The following KLHL1 variants were observed in gnomAD, a reference collection of about 807,000 sequenced individuals.
The protein encoded by KLHL1 is kelch-like protein 1.
In KLHL1, 47 loss-of-function variants were observed where a neutral mutation model predicts 77.7. That is an observed-to-expected ratio of 0.60 (90% CI 0.48 to 0.77). The LOEUF is 0.77. KLHL1 is among the 30% of genes least tolerant of loss of function. KLHL1 has a pLI of 0.00. For synonymous variants in KLHL1, 360 were observed against 325.2 expected, an observed-to-expected ratio of 1.11 and a Z score of -1.15; for missense variants, 925 against 910.8, an observed-to-expected ratio of 1.02 and a Z score of -0.20.
intron 6 of KLHL1, among the ~76,000 whole-genome samples, chr13:69,825,900 A>C (rs921277193): frequency 2.0e-5 from 3 of 152,218 alleles, no homozygotes; most frequent in African/African-American, 7.2e-5. Context: ...GTTCTCTGAC[A>C]GTAGGAAACA....
intron 1 of KLHL1, among the ~76,000 whole-genome samples, chr13:70,038,581 A>ATTTTTTTTTTTTTTTTTTTTTTTTT: frequency 1.4e-5 from 1 of 73,052 alleles, no homozygotes; most frequent in Non-Finnish European, 2.4e-5. Flanking sequence ...ATTGTCATTA[A>ATTTTTTTTTTTTTTTTTTTTTTTTT]TTTTTTTTTT....
chr13:69,867,810 C>G (rs970816145), intron 5 of KLHL1, among the ~76,000 whole-genome samples: 2 of 128,510 alleles, frequency 1.6e-5, no homozygotes, highest in Non-Finnish European at 3.1e-5. Flanking sequence ...AATGAGAACA[C>G]GTGGACACAG....
At chr13:69,829,018 G>A (rs1214987343) in intron 6 of KLHL1, among the ~76,000 whole-genome samples, 2 of 150,424 alleles carry the variant, frequency 1.3e-5, no homozygotes, top group Non-Finnish European at 2.9e-5. Flanking sequence ...CTAAGGCCTT[G>A]CCCATTGCCT....
intron 1 of KLHL1, among the ~76,000 whole-genome samples, chr13:70,027,536 G>C (rs1433766017): frequency 2.6e-5 from 4 of 151,916 alleles, no homozygotes; most frequent in Admixed American, 2.6e-4. Flanking sequence ...ACAGCAAAGG[G>C]GGAGAAAACT....
chr13:69,964,903 C>A (rs1002187690), intron 2 of KLHL1, among the ~76,000 whole-genome samples: 4 of 152,000 alleles, frequency 2.6e-5, no homozygotes, highest in African/African-American at 9.7e-5. Flanking sequence ...CAATAACATT[C>A]TCCTGCATTT....
chr13:69,846,751 T>C (rs371335028), intron 5 of KLHL1, among the ~76,000 whole-genome samples: 30 of 151,602 alleles, frequency 2.0e-4, no homozygotes, highest in African/African-American at 6.5e-4. Flanking sequence ...TAGTCACATG[T>C]TTAGCAACAT....
At chr13:69,744,014 T>A (rs888238281) in intron 7 of KLHL1, among the ~76,000 whole-genome samples, 2 of 152,168 alleles carry the variant, frequency 1.3e-5, no homozygotes, top group African/African-American at 4.8e-5. Flanking sequence ...CAGTTAAATA[T>A]ACATGCCTAC....
chr13:69,934,350 T>C (rs944954439), intron 4 of KLHL1, among the ~76,000 whole-genome samples: 1 of 152,128 alleles, frequency 6.6e-6, no homozygotes, highest in South Asian at 2.1e-4. Flanking sequence ...TTATATTACA[T>C]CTTATAATTT....
At chr13:70,086,653 CTT>C (rs1292545005) in intron 1 of KLHL1, among the ~76,000 whole-genome samples, 4 of 138,152 alleles carry the variant, frequency 2.9e-5, no homozygotes, top group Admixed American at 7.3e-5. Flanking sequence ...GAAAACAAGA[CTT>C]ATTTATTTTG....
chr13:69,838,138 T>A (rs1879101692), intron 6 of KLHL1, among the ~76,000 whole-genome samples: 1 of 151,606 alleles, frequency 6.6e-6, no homozygotes, highest in African/African-American at 2.4e-5. Context: ...AATTTTGAAA[T>A]CTCAGTTCAC....
chr13:69,871,492 T>C (rs764993098), intron 5 of KLHL1, among the ~76,000 whole-genome samples: 1 of 152,190 alleles, frequency 6.6e-6, no homozygotes, highest in Non-Finnish European at 1.5e-5. Context: ...TTTCCTTCTC[T>C]ACCACATGAC....
chr13:69,923,842 C>CGCAGCT (rs1349018802), intron 4 of KLHL1, among the ~76,000 whole-genome samples: 1 of 152,126 alleles, frequency 6.6e-6, no homozygotes, highest in Non-Finnish European at 1.5e-5. Context: ...ACTTCCCAGG[C>CGCAGCT]GCAGCTGCAG....
intron 8 of KLHL1, among the ~76,000 whole-genome samples, chr13:69,739,298 A>G (rs1873888617): frequency 1.3e-5 from 2 of 152,222 alleles, no homozygotes; most frequent in African/African-American, 4.8e-5. Context: ...CAACGAAAAC[A>G]CACTTAACTA....
chr13:69,813,393 C>G (rs1013062962), intron 6 of KLHL1, among the ~76,000 whole-genome samples: 1 of 151,668 alleles, frequency 6.6e-6, no homozygotes, highest in Non-Finnish European at 1.5e-5. Flanking sequence ...TTAATGGGTA[C>G]AGCACACCAA....
intron 3 of KLHL1, among the ~76,000 whole-genome samples, chr13:69,948,270 T>C (rs192031755): frequency 6.6e-6 from 1 of 152,184 alleles, no homozygotes; most frequent in East Asian, 1.9e-4. Context: ...GGAAAGCACG[T>C]AGCAGAAGAG....
At chr13:69,891,986 GTTAA>G (rs762737139) in intron 4 of KLHL1, among the ~76,000 whole-genome samples, 1 of 151,884 alleles carries the variant, frequency 6.6e-6, no homozygotes, top group Non-Finnish European at 1.5e-5. Context: ...TCTCAAATAT[GTTAA>G]TTACTTTGCA....
intron 6 of KLHL1, among the ~76,000 whole-genome samples, chr13:69,802,520 G>A (rs558881912): frequency 1.6e-4 from 24 of 152,164 alleles, no homozygotes; most frequent in African/African-American, 5.8e-4. Context: ...CAATCCACAA[G>A]CAGACAGCCT....
chr13:69,896,066 T>G (rs1452850453), intron 4 of KLHL1, among the ~76,000 whole-genome samples: 1 of 152,052 alleles, frequency 6.6e-6, no homozygotes, highest in African/African-American at 2.4e-5. Flanking sequence ...TCTATGTGAT[T>G]ATAGTACTGA....
intron 7 of KLHL1, among the ~76,000 whole-genome samples, chr13:69,749,569 C>T (rs924195754): frequency 6.6e-6 from 1 of 151,798 alleles, no homozygotes; most frequent in Non-Finnish European, 1.5e-5. Context: ...TTGAAAGAAA[C>T]AAACTATCGT....
Sources: allele counts gnomAD v4.1 joint callset (sites outside exome capture counted in the v4.1 genomes callset), GRCh38; gene constraint gnomAD v4.1.1; transcripts MANE v1.5; gene names NCBI Gene and HGNC (gene_info 2026-07-23, HGNC 2026-07-21).